Variants in MYO10 observed in about 807,000 individuals in gnomAD.
MYO10 encodes the protein unconventional myosin-X.
In MYO10, 133 loss-of-function variants were observed where a neutral mutation model predicts 257.3. That is an observed-to-expected ratio of 0.52 (90% confidence interval 0.45 to 0.60). The LOEUF (loss-of-function observed/expected upper bound fraction) is 0.60. MYO10 is among the 20% of genes least tolerant of loss of function. The pLI is 0.00. For missense variants in MYO10, 2,399 were observed against 2,635.7 expected, an observed-to-expected ratio of 0.91 and a Z score of 1.97; for synonymous variants, 1,104 against 1,028.6, an observed-to-expected ratio of 1.07 and a Z score of -1.40.
At position 16,936,045 on chromosome 5, in the gene MYO10, T is replaced by C; in HGVS notation, c.-237A>G. On this transcript the variant is annotated 5_prime_UTR_variant, in exon 1 of 41. Transcript: ENST00000513610. ...GCCTTTGTCTCTTCTTCCTCCAAGT[T>C]CCTCACTACTGGGCGCAGCGCTCGC... 1 of 579,656 alleles carries C rather than the reference T, an allele frequency of 1.7e-6. No homozygotes were observed. The allele number at this position is 579,656 out of a possible 1,614,324, so 35.9% of individuals were successfully genotyped here.
At chr5:16,672,111 A>C (rs1166495040) in intron 37 of MYO10, among the ~76,000 whole-genome samples, 1 of 152,122 alleles carries the variant, frequency 6.6e-6, no homozygotes, top group Non-Finnish European at 1.5e-5. Context: ...CCTGACCAAC[A>C]TGGCCAAACC....
At position 16,701,771 on chromosome 5, in the gene MYO10, G is replaced by A; in HGVS notation, c.2624C>T (p.Thr875Ile). 6.2e-7 allele frequency: 1 copy of A among 1,613,928 alleles called. No homozygotes were observed. Among genetic ancestry groups the A allele is most frequent in the Non-Finnish European group, 8.5e-7 (1 of 1,179,874 alleles). Residue 875 changes from threonine (T) to isoleucine (I), a missense_variant, in exon 25 of 41, where the codon ACC becomes ATC. Physicochemically the swap from Thr to Ile is moderately conservative, Grantham distance 89. Coordinates refer to ENST00000513610, the MANE Select transcript of MYO10 (RefSeq NM_012334.3). The surrounding 1 kb of genome is among the most constrained non-coding windows in gnomAD (Gnocchi z 8.1). Reference sequence around the variant, plus strand: ...TTCCTTCTGTTTCTCCAGTTCACGGGTCAGTTCAGCTTCCTTCTGGCTCTT... The same window carrying A: ...TTCCTTCTGTTTCTCCAGTTCACGGATCAGTTCAGCTTCCTTCTGGCTCTT... ...LQKSQKEAEL[T>I]RELEKQKENK...
At chr5:16,722,935 A>C (rs1739207138) in intron 19 of MYO10, among the ~76,000 whole-genome samples, 1 of 152,234 alleles carries the variant, frequency 6.6e-6, no homozygotes, top group East Asian at 1.9e-4. Flanking sequence ...ACTAAGAAAG[A>C]CTGTATCAAA....
In MYO10 at chr5:16,783,427, G is replaced by A; in HGVS notation, c.510C>T (p.Ile170=). 2 of 1,610,804 alleles carry A rather than the reference G, an allele frequency of 1.2e-6. No individual in the cohort carries two copies. The highest frequency in any genetic ancestry group is 1.7e-6 in the Non-Finnish European group (2 of 1,178,672). Residue 170 remains isoleucine, a synonymous_variant, in exon 5 of 41, where the codon ATC becomes ATT. Coordinates refer to ENST00000513610, the MANE Select transcript of MYO10 (RefSeq NM_012334.3). ...GAGKTESTKL[I]LKFLSVISQQ... Reference sequence around the variant, plus strand: ...GACTGATGACTGACAGAAACTTGAGGATCAATTTAGTGCTTTCGGTTTTAC... The same window carrying A: ...GACTGATGACTGACAGAAACTTGAGAATCAATTTAGTGCTTTCGGTTTTAC...
intron 3 of MYO10, among the ~76,000 whole-genome samples, chr5:16,816,550 T>C (rs965840770): frequency 1.3e-5 from 2 of 151,622 alleles, no homozygotes; most frequent in Non-Finnish European, 2.9e-5. Flanking sequence ...TTTTTTTTTT[T>C]TGAGATGGAG....
chr5:16,773,200 A>G (rs1741106201), intron 9 of MYO10, among the ~76,000 whole-genome samples: 1 of 152,220 alleles, frequency 6.6e-6, no homozygotes, highest in South Asian at 2.1e-4. Context: ...TCAATTTTAA[A>G]AAGCCTATGA....
intron 27 of MYO10, among the ~76,000 whole-genome samples, chr5:16,693,505 C>G (rs1444290163): frequency 6.6e-6 from 1 of 152,224 alleles, no homozygotes; most frequent in African/African-American, 2.4e-5. Flanking sequence ...AAAAGACTTT[C>G]TTCTCCTCAT....
Position 16,780,761 on chromosome 5 carries a change from G to A in MYO10, c.728-20C>T. The A allele has an allele frequency of 1.9e-6, 3 of 1,567,490 alleles. No individual in the cohort carries two copies. The South Asian group carries it at 3.5e-5, about 18-fold the overall frequency. ...ATAAATCTTCATGTGAAAAGCAATGGCAAGTCAAGGAAAAAAACAAAGCTA... is the reference window on the plus strand; with the variant it reads ...ATAAATCTTCATGTGAAAAGCAATGACAAGTCAAGGAAAAAAACAAAGCTA... On this transcript the variant is annotated intron_variant, in intron 6 of 40. Coordinates refer to ENST00000513610, the MANE Select transcript of MYO10 (RefSeq NM_012334.3).
intron 32 of MYO10, among the ~76,000 whole-genome samples, chr5:16,680,612 G>T (rs915870866): frequency 6.6e-6 from 1 of 152,150 alleles, no homozygotes; most frequent in African/African-American, 2.4e-5. Context: ...AGAAGCACAA[G>T]ATCACAACCA....
chr5:16,716,607 A>G (rs1034737086), intron 19 of MYO10, among the ~76,000 whole-genome samples: 6 of 151,580 alleles, frequency 4.0e-5, no homozygotes, highest in African/African-American at 1.5e-4. Context: ...TTTATTATCC[A>G]TGGACCATTA....
intron 19 of MYO10, among the ~76,000 whole-genome samples, chr5:16,718,438 A>G (rs551867498): frequency 6.6e-6 from 1 of 152,360 alleles, no homozygotes; most frequent in Non-Finnish European, 1.5e-5. Context: ...GGACGTGGAG[A>G]GTATTTATAT....
At chr5:16,897,063 G>T (rs1745239035) in intron 1 of MYO10, among the ~76,000 whole-genome samples, 1 of 152,110 alleles carries the variant, frequency 6.6e-6, no homozygotes, top group Non-Finnish European at 1.5e-5. Flanking sequence ...TTCTGTCAAG[G>T]AAACAACGCA....
chr5:16,893,070 G>A (rs1328227960), intron 1 of MYO10, among the ~76,000 whole-genome samples: 3 of 151,698 alleles, frequency 2.0e-5, no homozygotes, highest in South Asian at 2.1e-4. Flanking sequence ...GGTGGCGGGC[G>A]CCTGTAGTCC....
intron 1 of MYO10, among the ~76,000 whole-genome samples, chr5:16,886,932 CAAAAA>C (rs75535220): frequency 2.0e-5 from 2 of 101,896 alleles, no homozygotes; most frequent in Non-Finnish European, 2.0e-5. Context: ...ACTCCATCTC[CAAAAA>C]AAAAAAAAAA....
intron 1 of MYO10, among the ~76,000 whole-genome samples, chr5:16,923,317 T>G (rs1746039832): frequency 6.6e-6 from 1 of 151,680 alleles, no homozygotes; most frequent in African/African-American, 2.4e-5. Flanking sequence ...AGGCGGAATC[T>G]CGCTCCGTCG....
intron 8 of MYO10, 62 bp downstream of exon 8, chr5:16,780,462 G>T: frequency 7.4e-7 from 1 of 1,353,974 alleles, no homozygotes; most frequent in South Asian, 1.3e-5. Context: ...CTCATTTACT[G>T]ACATCTATTT....
chr5:16,738,127 G>A (rs1739879880), intron 19 of MYO10: 1 of 985,076 alleles, frequency 1.0e-6, no homozygotes, highest in Non-Finnish European at 1.2e-6. Context: ...ACAGGGGAGA[G>A]GTACTCACCT....
At chr5:16,770,246 A>C (rs1741006076) in intron 9 of MYO10, among the ~76,000 whole-genome samples, 1 of 152,176 alleles carries the variant, frequency 6.6e-6, no homozygotes, top group Non-Finnish European at 1.5e-5. Flanking sequence ...CTCTTAAAAA[A>C]AGAAAAAAAT....
At position 16,795,199 on chromosome 5, in the gene MYO10, C is replaced by T. The variant is rs991174421; in HGVS notation, c.280-366G>A. ...TCATTAAATGGCTACTGTGAAACAG[C>T]ATGGTTAAAAAGTGACGGGACAGAA... On this transcript the variant is annotated intron_variant, in intron 3 of 40. Coordinates refer to ENST00000513610, the MANE Select transcript of MYO10 (RefSeq NM_012334.3). 2.0e-5 allele frequency among the ~76,000 whole-genome samples: 3 copies of T among 152,178 alleles called. No homozygotes were observed. The South Asian group carries it at 6.2e-4, about 32-fold the overall frequency.
Sources: gnomAD v4.1 joint callset for allele counts (sites outside exome capture counted in the v4.1 genomes callset) on GRCh38, gnomAD v4.1.1 for gene constraint, Gnocchi (gnomAD v3.1) non-coding constraint, MANE v1.5 for transcripts, NCBI Gene and HGNC (gene_info 2026-07-23, HGNC 2026-07-21) for gene names.